Variants in UBR4 observed in about 807,000 individuals in gnomAD.
UBR4 encodes the protein E3 ubiquitin-protein ligase UBR4.
Under a neutral mutation model 575.6 loss-of-function variants are expected in UBR4, and 124 were observed. The ratio of observed to expected loss-of-function variants is 0.22; its 90% CI spans 0.19 to 0.25. The LOEUF is 0.25. Ranked by LOEUF, UBR4 falls within the 10% of genes least tolerant of loss-of-function variation. The pLI, the probability that UBR4 is intolerant of heterozygous loss-of-function variation, is 1.00. For synonymous variants in UBR4, 2,455 were observed against 2,473.7 expected (o/e 0.99, Z 0.22); for missense variants, 4,818 against 6,478.8 (o/e 0.74, Z 8.80).
chr1:19,099,039 T>G (rs1489119916), intron 90 of UBR4, among the ~76,000 whole-genome samples: 1 of 152,154 alleles, frequency 6.6e-6, no homozygotes, highest in Non-Finnish European at 1.5e-5. Flanking sequence ...AATACTTCCA[T>G]AAGTGGACAA....
At chr1:19,192,913 G>T (rs1372804065) in intron 9 of UBR4, among the ~76,000 whole-genome samples, 2 of 152,052 alleles carry the variant, frequency 1.3e-5, no homozygotes, top group East Asian at 3.9e-4. Context: ...CTCCAGAGTA[G>T]CGGGGATTAC....
In UBR4 at chr1:19,119,714, G is replaced by T; in HGVS notation, c.10311-13C>A. The stretch of plus-strand genomic sequence containing the variant: ...TTTGCTGGAATTTCTGTGGATATAT[G>T]ACAGCTCATGTTACCAAGCAGCAGA... On this transcript the variant is annotated splice_polypyrimidine_tract_variant and intron_variant, in intron 69 of 105. Transcript: ENST00000375254. The T allele has an allele frequency of 6.3e-7, 1 of 1,595,868 alleles. No homozygotes were observed. Among genetic ancestry groups the T allele is most frequent in the South Asian group, 1.1e-5 (1 of 90,616 alleles).
intron 101 of UBR4, among the ~76,000 whole-genome samples, chr1:19,085,164 T>G (rs957215219): frequency 6.6e-6 from 1 of 152,244 alleles, no homozygotes; most frequent in Admixed American, 6.5e-5. Context: ...CTGTGCCTCT[T>G]ATTAACTGGG....
chr1:19,137,802 C>T (rs1249573879), intron 60 of UBR4, among the ~76,000 whole-genome samples: 2 of 152,190 alleles, frequency 1.3e-5, no homozygotes, highest in Non-Finnish European at 2.9e-5. Flanking sequence ...ACTTTCTATT[C>T]TCTCCGTAAT....
intron 53 of UBR4, among the ~76,000 whole-genome samples, chr1:19,145,327 A>T (rs1431916735): frequency 6.6e-6 from 1 of 152,212 alleles, no homozygotes; most frequent in African/African-American, 2.4e-5. Flanking sequence ...GAGCACCAGG[A>T]TCATCCTACT....
chr1:19,165,840 GTTT>G (rs1355297824), intron 29 of UBR4, 83 bp from the exon 30 acceptor site: 1 of 1,221,834 alleles, frequency 8.2e-7, no homozygotes, highest in Non-Finnish European at 1.1e-6. Flanking sequence ...AAAATCCAAA[GTTT>G]GTCTGTTTGA....
At chr1:19,090,710 C>A (rs56315117) in intron 97 of UBR4, among the ~76,000 whole-genome samples, 6,392 of 152,156 alleles carry the variant, frequency 0.042, 206 homozygotes, top group Non-Finnish European at 0.06. Flanking sequence ...AGATGTGTTG[C>A]AAGAAAAATG....
intron 35 of UBR4, 96 bp from the exon 36 acceptor site, chr1:19,161,993 T>G: frequency 7.2e-7 from 1 of 1,396,434 alleles, no homozygotes; most frequent in Non-Finnish European, 9.9e-7. Context: ...GCGGGGTGAA[T>G]AGTTGACTCG....
At chr1:19,169,359 A>G (rs2089128996) in intron 27 of UBR4, 76 bp downstream of exon 27, 5 of 1,322,460 alleles carry the variant, frequency 3.8e-6, no homozygotes, top group Non-Finnish European at 5.2e-6. Context: ...TTTAAGCCTA[A>G]TTCCTTTAGG....
chr1:19,141,625 TCTC>T lies in UBR4; in HGVS notation c.8310+19_8310+21del, dbSNP rs2083954076. On this transcript the variant is annotated intron_variant, in intron 56 of 105. Transcript: ENST00000375254. ...AGAGTTGTGAAGCTCCTCCTCCCCT[TCTC>T]CTGCTGCCAGAGACTCACCACCATC... The T allele has an allele frequency of 6.2e-7, 1 of 1,612,944 alleles. No individual in the cohort carries two copies. The highest frequency in any genetic ancestry group is 8.5e-7 in the Non-Finnish European group (1 of 1,179,392).
Position 19,076,736 on chromosome 1 carries a change from T to G in UBR4, c.15487+4A>C. 1 of 1,614,052 alleles carries G rather than the reference T, an allele frequency of 6.2e-7. No individual in the cohort carries two copies. The highest frequency in any genetic ancestry group is 8.5e-7 in the Non-Finnish European group (1 of 1,179,992). The stretch of plus-strand genomic sequence containing the variant: ...TCTTTAAAAGAGAAAACCTTGACAC[T>G]AACCGGCCACATCGAGGAACTCTGA... On this transcript the variant is annotated splice_donor_region_variant and intron_variant, in intron 105 of 105. Coordinates refer to ENST00000375254, the MANE Select transcript of UBR4 (RefSeq NM_020765.3).
At chr1:19,127,290 C>T (rs1001133046) in intron 63 of UBR4, among the ~76,000 whole-genome samples, 5 of 152,210 alleles carry the variant, frequency 3.3e-5, no homozygotes, top group African/African-American at 1.2e-4. Context: ...TGCTTTCTCT[C>T]TGCTTTATTA....
Position 19,164,461 on chromosome 1 carries a change from A to T in UBR4, c.4512-20T>A, listed in dbSNP as rs770850255. 25 of 1,606,360 alleles carry T rather than the reference A, an allele frequency of 1.6e-5. 1 individual carries two copies. The South Asian group carries it at 2.8e-4, about 18-fold the overall frequency. On this transcript the variant is annotated intron_variant, in intron 32 of 105. Coordinates refer to ENST00000375254, the MANE Select transcript of UBR4 (RefSeq NM_020765.3). The stretch of plus-strand genomic sequence containing the variant: ...ACTTGGCTAGGAGAAAAGAAAGAGC[A>T]AGTTGGTGAATAATCAACAGGAATC...
chr1:19,170,463 A>G (rs1417333617), intron 26 of UBR4, among the ~76,000 whole-genome samples: 1 of 152,224 alleles, frequency 6.6e-6, no homozygotes, highest in Non-Finnish European at 1.5e-5. Context: ...AAGACAAAAT[A>G]GCCTTATGCT....
chr1:19,152,242 G>C lies in UBR4; in HGVS notation c.6996+71C>G. The C allele has an allele frequency of 6.3e-7, 1 of 1,576,316 alleles. No individual in the cohort carries two copies. ...ACTCTATACTTGCTTTCTAAAAGGA[G>C]ATGTGTTCTCAAACCATATTGTTTG... On this transcript the variant is annotated intron_variant, in intron 47 of 105. Coordinates refer to ENST00000375254, the MANE Select transcript of UBR4 (RefSeq NM_020765.3). The surrounding 1 kb of genome is among the most constrained non-coding windows in gnomAD (Gnocchi z 4.4).
chr1:19,130,607 G>C (rs2149687789), intron 60 of UBR4, among the ~76,000 whole-genome samples: 1 of 152,310 alleles, frequency 6.6e-6, no homozygotes, highest in South Asian at 2.1e-4. Flanking sequence ...TGAGCTAACT[G>C]TTCTTCAGAA....
intron 29 of UBR4, among the ~76,000 whole-genome samples, chr1:19,166,022 C>T (rs1430280789): frequency 6.6e-6 from 1 of 152,200 alleles, no homozygotes; most frequent in Non-Finnish European, 1.5e-5. Flanking sequence ...CAGTCCTAAT[C>T]CAGATCTGCC....
In UBR4 at chr1:19,081,719, G is replaced by A. The variant is rs562726876; in HGVS notation, c.15009-146C>T. 59 of 866,480 alleles carry A rather than the reference G, an allele frequency of 6.8e-5. No individual in the cohort carries two copies. The East Asian group carries it at 8.7e-4, about 13-fold the overall frequency. 53.7% of individuals were successfully genotyped at this position (866,480 alleles called of 1,614,324 possible). The stretch of plus-strand genomic sequence containing the variant: ...TCAACACTCCCCACCCATCCTTGCC[G>A]ACTACTCCCACTTCCTCTGATAATC... On this transcript the variant is annotated intron_variant, in intron 102 of 105. Coordinates refer to ENST00000375254, the MANE Select transcript of UBR4 (RefSeq NM_020765.3).
Position 19,189,011 on chromosome 1 carries a change from CA to C in UBR4, c.1395-1472del, listed in dbSNP as rs760781191. Among the ~76,000 whole-genome samples, 59 of 151,850 alleles carry C rather than the reference CA, an allele frequency of 3.9e-4. 1 individual carries two copies. In the South Asian group the frequency reaches 7.6e-3, roughly 19 times the overall value. On this transcript the variant is annotated intron_variant, in intron 11 of 105. Coordinates refer to ENST00000375254, the MANE Select transcript of UBR4 (RefSeq NM_020765.3). ...AAATTAAAAAGAAAATGACAAATAC[CA>C]AAAAGAAAACCAAGGCAAAGGACAT...
Sources: gnomAD v4.1 joint callset for allele counts (sites outside exome capture counted in the v4.1 genomes callset) on GRCh38, gnomAD v4.1.1 for gene constraint, Gnocchi (gnomAD v3.1) non-coding constraint, MANE v1.5 for transcripts, NCBI Gene and HGNC (gene_info 2026-07-23, HGNC 2026-07-21) for gene names.